ENTREP2: variants seen among roughly 807,000 people sequenced by gnomAD.
The protein encoded by ENTREP2 is endosomal transmembrane epsin interactor 2.
At chr15:29,135,470 T>A in the ENTREP2 span, among the ~76,000 whole-genome samples, 2 of 152,126 alleles carry the variant, frequency 1.3e-5, no homozygotes, top group African/African-American at 4.8e-5. This position sits in a 1 kb window ranked among gnomAD's most constrained non-coding sequence, Gnocchi z 7.4. Flanking sequence ...CTTTTCCAGA[T>A]GTCCCCATCT....
At chr15:29,657,467 C>G in the ENTREP2 span, among the ~76,000 whole-genome samples, 22 of 57,134 alleles carry the variant, frequency 3.9e-4, no homozygotes, top group South Asian at 0.018. Context: ...CGAGTTGCCG[C>G]TGTCGGCTGG....
the ENTREP2 span, among the ~76,000 whole-genome samples, chr15:29,400,629 A>G: frequency 6.6e-6 from 1 of 152,244 alleles, no homozygotes; most frequent in Non-Finnish European, 1.5e-5. Context: ...ATATAAATTA[A>G]AACATAAATA....
the ENTREP2 span, among the ~76,000 whole-genome samples, chr15:29,466,241 TGA>T: frequency 1.3e-5 from 2 of 151,966 alleles, no homozygotes; most frequent in African/African-American, 4.8e-5. Context: ...AAGAAAGCAG[TGA>T]GAGAGACTAC....
chr15:29,452,288 G>A, the ENTREP2 span, among the ~76,000 whole-genome samples: 1 of 152,158 alleles, frequency 6.6e-6, no homozygotes, highest in African/African-American at 2.4e-5. Context: ...CCCAGAGCAG[G>A]CAAGAGGGGA....
the ENTREP2 span, among the ~76,000 whole-genome samples, chr15:29,663,332 C>T: frequency 6.6e-6 from 1 of 151,972 alleles, no homozygotes; most frequent in African/African-American, 2.4e-5. Context: ...CCAGCCTGAC[C>T]AACATGGAGA....
the ENTREP2 span, among the ~76,000 whole-genome samples, chr15:29,583,132 T>C: frequency 6.6e-6 from 1 of 152,248 alleles, no homozygotes; most frequent in South Asian, 2.1e-4. Flanking sequence ...AATAAAATAT[T>C]GGACAATAAT....
chr15:29,523,552 C>T, the ENTREP2 span, among the ~76,000 whole-genome samples: 2 of 148,614 alleles, frequency 1.3e-5, no homozygotes, highest in Non-Finnish European at 1.5e-5. Context: ...TTATAAAAAT[C>T]CCAGCTAGAT....
the ENTREP2 span, among the ~76,000 whole-genome samples, chr15:29,573,914 T>C: frequency 0.033 from 5,046 of 152,270 alleles, 286 homozygotes; most frequent in African/African-American, 0.11. Context: ...CAGCCAAAGT[T>C]ACCTTGATGA....
At chr15:29,331,661 C>G in the ENTREP2 span, among the ~76,000 whole-genome samples, 1 of 152,208 alleles carries the variant, frequency 6.6e-6, no homozygotes, top group Non-Finnish European at 1.5e-5. Context: ...ACAGCATGAT[C>G]GTTAATCCAC....
At chr15:29,160,501 G>C in the ENTREP2 span, among the ~76,000 whole-genome samples, 1 of 152,000 alleles carries the variant, frequency 6.6e-6, no homozygotes, top group East Asian at 1.9e-4. Context: ...CTGAGGTCAG[G>C]AGTTTGAAAC....
At chr15:29,131,241 A>C in the ENTREP2 span, among the ~76,000 whole-genome samples, 2 of 152,068 alleles carry the variant, frequency 1.3e-5, no homozygotes, top group Non-Finnish European at 2.9e-5. Flanking sequence ...CTGGTGGCTC[A>C]AGGCAAACTT....
the ENTREP2 span, among the ~76,000 whole-genome samples, chr15:29,649,238 A>T: frequency 6.6e-6 from 1 of 152,234 alleles, no homozygotes; most frequent in African/African-American, 2.4e-5. Flanking sequence ...TACAATTAAA[A>T]GTTAAGGCAC....
At chr15:29,294,453 G>C in the ENTREP2 span, among the ~76,000 whole-genome samples, 6 of 152,166 alleles carry the variant, frequency 3.9e-5, no homozygotes, top group Non-Finnish European at 7.3e-5. Flanking sequence ...GGATGAGTAG[G>C]GAGACAGCCC....
At chr15:29,664,266 T>C in the ENTREP2 span, among the ~76,000 whole-genome samples, 5 of 152,182 alleles carry the variant, frequency 3.3e-5, no homozygotes, top group African/African-American at 1.2e-4. Context: ...ACCTTAAACG[T>C]GAGAGGTGCA....
chr15:29,274,816 G>A, the ENTREP2 span, among the ~76,000 whole-genome samples: 1 of 152,292 alleles, frequency 6.6e-6, no homozygotes, highest in African/African-American at 2.4e-5. Context: ...CAGGACACAG[G>A]AGCGCTTGTT....
the ENTREP2 span, chr15:29,196,456 A>G: frequency 1.3e-6 from 2 of 1,551,732 alleles, 1 homozygote; most frequent in Admixed American, 3.9e-5. Context: ...ACAGCGTTGC[A>G]GTTCTCCTGC....
the ENTREP2 span, chr15:29,124,618 G>T: frequency 7.5e-7 from 1 of 1,334,572 alleles, no homozygotes; most frequent in Non-Finnish European, 1.0e-6. Flanking sequence ...ATGTAGCCAA[G>T]GACCCACCAA....
the ENTREP2 span, among the ~76,000 whole-genome samples, chr15:29,523,561 ATTTTTTTTTTTTTTTTT>A: frequency 1.3e-5 from 1 of 78,482 alleles, no homozygotes; most frequent in Non-Finnish European, 2.5e-5. Flanking sequence ...TCCCAGCTAG[ATTTTTTTTTTTTTTTTT>A]TTTTTTTTTT....
the ENTREP2 span, among the ~76,000 whole-genome samples, chr15:29,344,951 C>T: frequency 6.6e-6 from 1 of 151,920 alleles, no homozygotes; most frequent in Non-Finnish European, 1.5e-5. Context: ...CACACACACA[C>T]ACACACACAC....
Sources: allele counts gnomAD v4.1 joint callset (sites outside exome capture counted in the v4.1 genomes callset), GRCh38; gene constraint gnomAD v4.1.1; non-coding constraint Gnocchi (gnomAD v3.1); transcripts MANE v1.5; gene names NCBI Gene and HGNC (gene_info 2026-07-23, HGNC 2026-07-21).